Variants in HEPH observed in about 807,000 individuals in gnomAD.
HEPH encodes the protein hephaestin.
A neutral mutation model predicts 80.8 loss-of-function variants in HEPH; 69 were observed. That is an observed-to-expected ratio of 0.85 (90% CI 0.70 to 1.04). The LOEUF (loss-of-function observed/expected upper bound fraction) is 1.04. HEPH is among the 50% of genes least tolerant of loss of function. The pLI is 0.00. For synonymous variants in HEPH, 431 were observed against 322.8 expected (o/e 1.34, Z -3.60); for missense variants, 1,115 against 891.3 (o/e 1.25, Z -3.20).
chrX:66,179,817 T>A (rs1053429049), intron 4 of HEPH, among the ~76,000 whole-genome samples: 2 of 112,000 alleles, frequency 1.8e-5, no homozygotes, highest in Non-Finnish European at 3.8e-5. Flanking sequence ...GAACAAGGCC[T>A]TTTATCATAA....
intron 15 of HEPH, among the ~76,000 whole-genome samples, chrX:66,219,469 G>A (rs2089544143): frequency 8.9e-6 from 1 of 112,130 alleles, no homozygotes; most frequent in South Asian, 3.7e-4. Flanking sequence ...TTGATAGATA[G>A]CATTTCTCAT....
intron 9 of HEPH, among the ~76,000 whole-genome samples, chrX:66,195,746 C>T (rs1163794214): frequency 9.0e-6 from 1 of 111,345 alleles, no homozygotes; most frequent in East Asian, 2.8e-4. Flanking sequence ...ATTGCTTGGA[C>T]ATGTAGGTTT....
intron 15 of HEPH, among the ~76,000 whole-genome samples, chrX:66,239,379 C>A (rs1416960507): frequency 9.0e-6 from 1 of 111,644 alleles, no homozygotes; most frequent in Non-Finnish European, 1.9e-5. Flanking sequence ...TCAGTATCTT[C>A]CATTTGAATA....
Position 66,265,870 on chromosome X carries a change from A to C in HEPH, c.3245-570A>C, listed in dbSNP as rs2091521700. 2.7e-5 allele frequency among the ~76,000 whole-genome samples: 3 copies of C among 111,900 alleles called. No homozygotes were observed. In the South Asian group the frequency reaches 1.1e-3, roughly 42 times the overall value. The stretch of plus-strand genomic sequence containing the variant: ...TTTAAAAGTCTGAGCTTTTCTCTGT[A>C]GGCTAATTGGGAATCATCAAAAGTG... On this transcript the variant is annotated intron_variant, in intron 20 of 20. Transcript: ENST00000343002.
At chrX:66,244,491 A>G (rs2090726506) in intron 15 of HEPH, among the ~76,000 whole-genome samples, 2 of 112,001 alleles carry the variant, frequency 1.8e-5, no homozygotes, top group Non-Finnish European at 3.8e-5. Context: ...GAGGTGAATT[A>G]TTCAGCTCTA....
chrX:66,260,757 CT>C (rs1328645092), intron 19 of HEPH, among the ~76,000 whole-genome samples: 2 of 108,357 alleles, frequency 1.8e-5, no homozygotes, highest in Non-Finnish European at 3.8e-5. Flanking sequence ...AAAGGCAATT[CT>C]TTCTTTTTTT....
intron 15 of HEPH, among the ~76,000 whole-genome samples, chrX:66,220,073 C>A (rs1205545678): frequency 3.6e-5 from 4 of 111,098 alleles, no homozygotes; most frequent in African/African-American, 1.3e-4. Context: ...ATGATTGAGG[C>A]TTTTAGGACC....
intron 13 of HEPH, among the ~76,000 whole-genome samples, chrX:66,204,571 C>G (rs1467828391): frequency 8.9e-6 from 1 of 112,158 alleles, no homozygotes. Context: ...TAAACAGAAG[C>G]AGATAACTGG....
chrX:66,219,596 C>T (rs961345649), intron 15 of HEPH, among the ~76,000 whole-genome samples: 1 of 111,191 alleles, frequency 9.0e-6, no homozygotes, highest in Admixed American at 9.5e-5. Flanking sequence ...GTCGGGTATC[C>T]CCACGAGCTG....
Position 66,256,222 on chromosome X carries a change from G to A in HEPH, c.2788G>A (p.Glu930Lys), listed in dbSNP as rs1476939767. The A allele has an allele frequency of 1.7e-6, 2 of 1,210,917 alleles. No homozygotes were observed. Among genetic ancestry groups the A allele is most frequent in the East Asian group, 3.0e-5 (1 of 33,785 alleles). The change falls in exon 17 of 21, where the codon GAA becomes AAA. Residue 930 changes from glutamate to lysine, a missense_variant. This residue lies in a region of HEPH where 716 missense variants were observed against 523.5 expected (regional missense o/e 1.37). Coordinates refer to ENST00000343002, the MANE Select transcript of HEPH (RefSeq NM_001367233.3). ...TGCATTGTTGTTCTTGATTTTTGAT[G>A]AAAATAAGTCTTGGTATTTGGAGGA... ...EFALLFLIFDENKSWYLEENV... is the reference protein window; with the variant it reads ...EFALLFLIFDKNKSWYLEENV...
At chrX:66,170,973 G>T (rs1312114092) in intron 2 of HEPH, among the ~76,000 whole-genome samples, 2 of 111,492 alleles carry the variant, frequency 1.8e-5, no homozygotes, top group African/African-American at 3.3e-5. Flanking sequence ...TTCCATATTT[G>T]CTGTTTTCTA....
intron 19 of HEPH, among the ~76,000 whole-genome samples, chrX:66,261,669 C>T (rs1016148634): frequency 4.5e-5 from 5 of 110,259 alleles, no homozygotes; most frequent in African/African-American, 1.6e-4. Flanking sequence ...TTTGAATATT[C>T]GTACAGACTT....
Position 66,260,127 on chromosome X carries a change from G to A in HEPH, c.3064G>A (p.Val1022Met), listed in dbSNP as rs926548163. ...TGGCGAGAACTACCGGGCAGATGTGGTGGATCTGTTCCCAGGGACTTTTGA... is the reference window on the plus strand; with the variant it reads ...TGGCGAGAACTACCGGGCAGATGTGATGGATCTGTTCCCAGGGACTTTTGA... ...RNGENYRADV[V>M]DLFPGTFEVV... The change falls in exon 19 of 21, where the codon GTG (valine) becomes ATG (methionine). Residue 1022 changes from valine to methionine, a missense_variant. Val to Met is a conservative substitution (Grantham distance 21). Coordinates refer to ENST00000343002, the MANE Select transcript of HEPH (RefSeq NM_001367233.3). 2.5e-6 allele frequency: 3 copies of A among 1,209,440 alleles called. No homozygotes were observed. The highest frequency in any genetic ancestry group is 5.9e-5 in the East Asian group (2 of 33,757).
At chrX:66,252,209 C>G (rs775796063) in intron 15 of HEPH, among the ~76,000 whole-genome samples, 2 of 111,652 alleles carry the variant, frequency 1.8e-5, no homozygotes, top group Non-Finnish European at 3.8e-5. Flanking sequence ...GTGGCACTAT[C>G]TATTGAGATA....
chrX:66,198,983 C>T lies in HEPH; in HGVS notation c.1819C>T (p.Leu607Phe). 8.3e-7 allele frequency: 1 copy of T among 1,211,126 alleles called. No homozygotes were observed. The highest frequency in any genetic ancestry group is 1.7e-5 in the African/African-American group (1 of 57,846). ...AGCTGCTATGTTGGATTTCCGACTG[C>T]TTTCAGAGGATATTGAGGGCTTCCA... ...QAAAMLDFRL[L>F]SEDIEGFQDS... The change falls in exon 11 of 21, where the codon CTT becomes TTT. Residue 607 changes from leucine to phenylalanine, a missense_variant. Physicochemically the swap from Leu to Phe is conservative, Grantham distance 22. Coordinates refer to ENST00000343002, the MANE Select transcript of HEPH (RefSeq NM_001367233.3).
In HEPH at chrX:66,267,253, C is replaced by A. The variant is rs1441563036; in HGVS notation, c.*581C>A. 1 of 112,913 alleles carries A rather than the reference C, an allele frequency of 8.9e-6. No individual in the cohort carries two copies. Among genetic ancestry groups the A allele is most frequent in the African/African-American group, 3.2e-5 (1 of 30,936 alleles). The allele number at this position is 112,913 out of a possible 1,213,427, so 9.3% of individuals were successfully genotyped here. ...TTGTTGCTGCCATGAGCATGTACAACCTCTGGAGCTAGAAGCTCCTCAGGA... is the reference window on the plus strand; with the variant it reads ...TTGTTGCTGCCATGAGCATGTACAAACTCTGGAGCTAGAAGCTCCTCAGGA... On this transcript the variant is annotated 3_prime_UTR_variant, in exon 21 of 21. Transcript: ENST00000343002.
At position 66,192,134 on chromosome X, in the gene HEPH, C is replaced by A. The variant is rs140149199; in HGVS notation, c.1068C>A (p.Gly356=). The A allele has an allele frequency of 4.4e-3, 5,327 of 1,202,350 alleles. 8 individuals are homozygous for A. Among genetic ancestry groups the A allele is most frequent in the Non-Finnish European group, 5.4e-3 (4,848 of 891,090 alleles). Residue 356 remains glycine (G), a synonymous_variant, in exon 7 of 21, where the codon GGC becomes GGA. Transcript: ENST00000343002. The stretch of plus-strand genomic sequence containing the variant: ...GCCATAATGTTCTTCCTTCAGATGG[C>A]ATGCAGGCACTCTACAAGGTCAAGT... ...SCQVNSHFRD[G]MQALYKVKSC...
chrX:66,236,303 A>T (rs1016868990), intron 15 of HEPH, among the ~76,000 whole-genome samples: 1 of 111,412 alleles, frequency 9.0e-6, no homozygotes, highest in Non-Finnish European at 1.9e-5. Context: ...TACCTAGTTT[A>T]TTGAGAGTTT....
chrX:66,248,194 C>A (rs1294533436), intron 15 of HEPH, among the ~76,000 whole-genome samples: 1 of 111,603 alleles, frequency 9.0e-6, no homozygotes, highest in Non-Finnish European at 1.9e-5. Context: ...CCACCTCATT[C>A]CTGGTTTCAC....
Sources: gnomAD v4.1 joint callset for allele counts (sites outside exome capture counted in the v4.1 genomes callset) on GRCh38, gnomAD v4.1.1 for gene constraint, gnomAD v4.1.1 regional missense constraint, MANE v1.5 for transcripts, NCBI Gene and HGNC (gene_info 2026-07-23, HGNC 2026-07-21) for gene names.